The following ANKRD30B variants were observed in gnomAD, a reference collection of about 807,000 sequenced individuals.
ANKRD30B encodes ankyrin repeat domain 30B, also known as ankyrin repeat domain-containing protein 30B.
In ANKRD30B, 144 loss-of-function variants were observed where a neutral mutation model predicts 202.2. The observed-to-expected ratio is 0.71, with a 90% confidence interval of 0.62 to 0.82. ANKRD30B has a LOEUF of 0.82. Ranked by LOEUF, ANKRD30B falls within the 40% of genes least tolerant of loss-of-function variation. ANKRD30B has a pLI of 0.00. For synonymous variants in ANKRD30B, 508 were observed against 561.3 expected (o/e 0.91, Z 1.34); for missense variants, 1,487 against 1,669.1 (o/e 0.89, Z 1.90).
the ANKRD30B span, among the ~76,000 whole-genome samples, chr18:14,878,805 G>A: frequency 6.6e-6 from 1 of 152,212 alleles, no homozygotes; most frequent in African/African-American, 2.4e-5. Context: ...TAGGCGTGGA[G>A]CTTTCTAAAA....
At chr18:14,870,087 C>T in the ANKRD30B span, among the ~76,000 whole-genome samples, 2 of 152,198 alleles carry the variant, frequency 1.3e-5, no homozygotes, top group African/African-American at 2.4e-5. Flanking sequence ...CCACCTGCCT[C>T]GGCCTCCCAA....
intron 24 of ANKRD30B, among the ~76,000 whole-genome samples, chr18:14,804,685 G>T (rs1969390138): frequency 6.6e-6 from 1 of 150,730 alleles, no homozygotes; most frequent in Middle Eastern, 3.4e-3. Flanking sequence ...TCCTATTTTT[G>T]AGTATGTTTT....
chr18:14,818,123 T>G (rs569718663), intron 30 of ANKRD30B, among the ~76,000 whole-genome samples: 1 of 152,326 alleles, frequency 6.6e-6, no homozygotes, highest in East Asian at 1.9e-4. Flanking sequence ...AGGAGATATA[T>G]TTCTATGTCA....
At chr18:14,860,310 G>A in the ANKRD30B span, among the ~76,000 whole-genome samples, 6 of 134,110 alleles carry the variant, frequency 4.5e-5, no homozygotes, top group East Asian at 4.6e-4. Context: ...CAACCCAGAC[G>A]GGGCAGCCAG....
the ANKRD30B span, among the ~76,000 whole-genome samples, chr18:14,887,670 A>G: frequency 2.6e-5 from 4 of 151,972 alleles, no homozygotes; most frequent in African/African-American, 9.7e-5. Context: ...CAGTTGAGCC[A>G]GACAGTTTTG....
intron 40 of ANKRD30B, 73 bp from the exon 41 acceptor site, chr18:14,850,141 G>A: frequency 1.9e-6 from 2 of 1,066,274 alleles, no homozygotes; most frequent in Middle Eastern, 2.4e-4. Flanking sequence ...AACCAGTATA[G>A]GAAGAAGTAG....
rs1282012401 is a variant in ANKRD30B, at chr18:14,797,985, A to T, written c.2029+131A>T. ...GGAAAATTTGATACAAATAATGCCA[A>T]TGTTAGTATTTATGTTTGAGAAAAT... is the stretch of plus-strand genomic sequence containing the variant. On this transcript the variant is annotated intron_variant, in intron 20 of 43. Transcript: ENST00000690538. The T allele has an allele frequency of 4.2e-6, 4 of 941,986 alleles. No homozygotes were observed. The South Asian group carries it at 5.4e-5, about 13-fold the overall frequency. 58.4% of individuals were successfully genotyped at this position (941,986 alleles called of 1,614,324 possible).
At chr18:14,752,212 C>T (rs1423012275) in intron 1 of ANKRD30B, among the ~76,000 whole-genome samples, 1 of 152,148 alleles carries the variant, frequency 6.6e-6, no homozygotes, top group Non-Finnish European at 1.5e-5. Context: ...CTCAATGAGG[C>T]ATCACAGTGA....
chr18:14,819,957 A>G (rs1970327090), intron 30 of ANKRD30B, among the ~76,000 whole-genome samples: 2 of 152,018 alleles, frequency 1.3e-5, no homozygotes, highest in South Asian at 4.1e-4. Flanking sequence ...CTTGGGCAGT[A>G]TGGCCATTTT....
the ANKRD30B span, among the ~76,000 whole-genome samples, chr18:14,866,757 G>A: frequency 0.53 from 79,767 of 151,680 alleles, 21,174 homozygotes; most frequent in African/African-American, 0.55. Context: ...GCTATCGGGC[G>A]TTGAATTGCT....
chr18:14,772,280 A>G (rs902896874), intron 9 of ANKRD30B, 52 bp downstream of exon 9: 8 of 1,219,704 alleles, frequency 6.6e-6, no homozygotes, highest in Non-Finnish European at 9.0e-6. Flanking sequence ...ATATTTCTGT[A>G]TAGTATTTCT....
In ANKRD30B at chr18:14,850,275, A is replaced by C; in HGVS notation, c.3457A>C (p.Arg1153=). ...RNVDILKEKI[R]PEEQLRKKLE... The stretch of plus-strand genomic sequence containing the variant: ...TGTCGATATATTAAAAGAAAAAATT[A>C]GACCCGAAGAGCAACTTAGGAAAAA... The change falls in exon 41 of 44, where the codon AGA becomes CGA. Residue 1153 remains arginine (R), a synonymous_variant. Transcript: ENST00000690538. The C allele has an allele frequency of 6.3e-7, 1 of 1,591,184 alleles. No individual in the cohort carries two copies. The highest frequency in any genetic ancestry group is 8.5e-7 in the Non-Finnish European group (1 of 1,170,536).
At chr18:14,777,060 G>A (rs1967403988) in intron 9 of ANKRD30B, among the ~76,000 whole-genome samples, 1 of 152,112 alleles carries the variant, frequency 6.6e-6, no homozygotes, top group African/African-American at 2.4e-5. Context: ...TTTTTGGTGA[G>A]GACTACAGAG....
the ANKRD30B span, among the ~76,000 whole-genome samples, chr18:14,895,007 A>C: frequency 6.6e-6 from 1 of 152,122 alleles, no homozygotes; most frequent in Non-Finnish European, 1.5e-5. Context: ...ATGCAGCCGG[A>C]GGCCATTATC....
downstream of ANKRD30B, among the ~76,000 whole-genome samples, chr18:14,858,152 GAT>G (rs1972133386): frequency 3.2e-5 from 3 of 93,062 alleles, no homozygotes; most frequent in African/African-American, 5.5e-5. Flanking sequence ...CCTCCCAGAT[GAT>G]GGGCAGCCAG....
At chr18:14,819,689 T>A (rs1482940532) in intron 30 of ANKRD30B, among the ~76,000 whole-genome samples, 5 of 151,990 alleles carry the variant, frequency 3.3e-5, no homozygotes, top group African/African-American at 1.2e-4. Context: ...GTGGCGTTAT[T>A]TCTGAGGGCT....
the ANKRD30B span, chr18:14,889,035 C>G: frequency 2.2e-6 from 1 of 444,458 alleles, no homozygotes; most frequent in East Asian, 3.9e-5. Flanking sequence ...ATTGAGCAGG[C>G]CTAATGTGGA....
At chr18:14,804,438 C>A (rs1184143191) in intron 24 of ANKRD30B, among the ~76,000 whole-genome samples, 1 of 140,808 alleles carries the variant, frequency 7.1e-6, no homozygotes, top group African/African-American at 2.7e-5. Context: ...TCCGTATAGA[C>A]CGTAAGTTTT....
the ANKRD30B span, among the ~76,000 whole-genome samples, chr18:14,913,578 A>C: frequency 6.6e-6 from 1 of 152,238 alleles, no homozygotes; most frequent in Non-Finnish European, 1.5e-5. Flanking sequence ...GCAATATTTG[A>C]CATCAGTTAG....
Sources: gnomAD v4.1 joint callset for allele counts (sites outside exome capture counted in the v4.1 genomes callset) on GRCh38, gnomAD v4.1.1 for gene constraint, MANE v1.5 for transcripts, NCBI Gene and HGNC (gene_info 2026-07-23, HGNC 2026-07-21) for gene names.